GPC5: variants seen among roughly 807,000 people sequenced by gnomAD.
GPC5 encodes the protein glypican 5.
In GPC5, 47 loss-of-function variants were observed where a neutral mutation model predicts 53.9. That is an observed-to-expected ratio of 0.87 (90% CI 0.69 to 1.11). The LOEUF (loss-of-function observed/expected upper bound fraction) is 1.11. GPC5 is among the 50% of genes most tolerant of loss of function. GPC5 has a pLI of 0.00. For synonymous variants in GPC5, 286 were observed against 263.3 expected, an observed-to-expected ratio of 1.09 and a Z score of -0.84; for missense variants, 748 against 713.1, an observed-to-expected ratio of 1.05 and a Z score of -0.56.
chr13:92,756,574 A>G (rs1166002674), intron 7 of GPC5, among the ~76,000 whole-genome samples: 7 of 151,436 alleles, frequency 4.6e-5, no homozygotes, highest in Non-Finnish European at 2.9e-5. Flanking sequence ...TTGTATATCT[A>G]GAAAACCCCA....
intron 5 of GPC5, among the ~76,000 whole-genome samples, chr13:91,801,220 T>C (rs1175240114): frequency 6.6e-6 from 1 of 151,584 alleles, no homozygotes; most frequent in Admixed American, 6.6e-5. Context: ...AACCAGATGT[T>C]GAGCAGAACT....
At chr13:92,014,546 T>A (rs942182339) in intron 6 of GPC5, among the ~76,000 whole-genome samples, 1 of 152,158 alleles carries the variant, frequency 6.6e-6, no homozygotes, top group African/African-American at 2.4e-5. Context: ...TCTAATGGAA[T>A]CTATTGCTTG....
At position 92,144,931 on chromosome 13, in the gene GPC5, A is replaced by C; in HGVS notation, c.1503A>C (p.Glu501Asp). ...AAGTCAGTGGGGACTGTGATGATGA[A>C]GATGGTTGCGGGGGATCAGGAAGTG... Reference protein sequence around the residue: ...VEQVSGDCDDEDGCGGSGSGE... With the variant: ...VEQVSGDCDDDDGCGGSGSGE... The change falls in exon 7 of 8, where the codon GAA becomes GAC. Residue 501 changes from glutamate (E) to aspartate (D), a missense_variant. Physicochemically the swap from Glu to Asp is conservative, Grantham distance 45. Coordinates refer to ENST00000377067, the MANE Select transcript of GPC5 (RefSeq NM_004466.6). 6.3e-7 allele frequency: 1 copy of C among 1,594,810 alleles called. No homozygotes were observed. Among genetic ancestry groups the C allele is most frequent in the Non-Finnish European group, 8.5e-7 (1 of 1,172,840 alleles).
intron 7 of GPC5, among the ~76,000 whole-genome samples, chr13:92,166,985 CACACACACACATAT>C (rs1309740862): frequency 1.9e-3 from 257 of 137,736 alleles, no homozygotes; most frequent in Middle Eastern, 0.018. Context: ...CACACACACA[CACACACACACATAT>C]ACACACGCCC....
chr13:92,021,343 A>G (rs2040756698), intron 6 of GPC5, among the ~76,000 whole-genome samples: 1 of 152,204 alleles, frequency 6.6e-6, no homozygotes, highest in African/African-American at 2.4e-5. Context: ...ATGAGCCTAG[A>G]GGACATTATG....
intron 7 of GPC5, among the ~76,000 whole-genome samples, chr13:92,431,069 C>T (rs1356494370): frequency 6.6e-6 from 1 of 152,078 alleles, no homozygotes; most frequent in African/African-American, 2.4e-5. Flanking sequence ...CTTTCCCAAA[C>T]CAATTACTCT....
chr13:91,466,440 T>A (rs1260375517), intron 2 of GPC5, among the ~76,000 whole-genome samples: 1 of 152,146 alleles, frequency 6.6e-6, no homozygotes. Context: ...ACGTTTTTAT[T>A]TTTGTTTCAA....
intron 3 of GPC5, among the ~76,000 whole-genome samples, chr13:91,705,316 C>T (rs1242673199): frequency 1.3e-5 from 2 of 152,206 alleles, no homozygotes; most frequent in African/African-American, 2.4e-5. Context: ...TAGTACCTCC[C>T]ACTTTCAAAA....
intron 7 of GPC5, among the ~76,000 whole-genome samples, chr13:92,633,757 TA>T (rs1885330925): frequency 6.6e-6 from 1 of 152,182 alleles, no homozygotes; most frequent in African/African-American, 2.4e-5. Context: ...ATCAGTACTT[TA>T]AAAAATTACT....
chr13:92,578,467 A>G (rs761052071), intron 7 of GPC5, among the ~76,000 whole-genome samples: 5 of 152,160 alleles, frequency 3.3e-5, no homozygotes, highest in African/African-American at 7.2e-5. Context: ...TGGCTCACCT[A>G]ATTATGGAGA....
intron 7 of GPC5, among the ~76,000 whole-genome samples, chr13:92,818,455 A>G (rs527395337): frequency 1.3e-5 from 2 of 152,136 alleles, no homozygotes; most frequent in South Asian, 4.1e-4. Flanking sequence ...TTTCTTATAG[A>G]TATGTCCTTC....
intron 7 of GPC5, among the ~76,000 whole-genome samples, chr13:92,572,865 C>T (rs963118195): frequency 6.6e-6 from 1 of 151,928 alleles, no homozygotes; most frequent in Non-Finnish European, 1.5e-5. Context: ...TGTAGCTCTT[C>T]CCAAAACAAA....
At chr13:92,582,657 A>G (rs981433470) in intron 7 of GPC5, among the ~76,000 whole-genome samples, 32 of 152,256 alleles carry the variant, frequency 2.1e-4, no homozygotes, top group African/African-American at 7.7e-4. Flanking sequence ...ATTTATTAAT[A>G]TCTTCTACAA....
intron 7 of GPC5, among the ~76,000 whole-genome samples, chr13:92,312,277 G>A (rs2043150057): frequency 6.6e-6 from 1 of 152,030 alleles, no homozygotes; most frequent in African/African-American, 2.4e-5. Context: ...AAAGATTCAA[G>A]ATGTGTGTGC....
At chr13:91,423,918 T>G (rs1473293901) in intron 1 of GPC5, among the ~76,000 whole-genome samples, 1 of 152,222 alleles carries the variant, frequency 6.6e-6, no homozygotes, top group Non-Finnish European at 1.5e-5. Context: ...AATTTATTTT[T>G]TAAACTTAAA....
intron 6 of GPC5, among the ~76,000 whole-genome samples, chr13:92,068,384 C>T (rs1345123164): frequency 6.6e-6 from 1 of 151,528 alleles, no homozygotes; most frequent in Non-Finnish European, 1.5e-5. Flanking sequence ...AACCGGTGAT[C>T]CTGATAGCTA....
intron 5 of GPC5, among the ~76,000 whole-genome samples, chr13:91,892,157 CAT>C (rs2039393584): frequency 6.6e-6 from 1 of 151,878 alleles, no homozygotes; most frequent in East Asian, 1.9e-4. Context: ...TGACTGGTGA[CAT>C]ATTACATTCT....
At chr13:92,104,816 G>T (rs980015239) in intron 6 of GPC5, among the ~76,000 whole-genome samples, 1 of 152,024 alleles carries the variant, frequency 6.6e-6, no homozygotes, top group African/African-American at 2.4e-5. Flanking sequence ...TAATCCAAAC[G>T]GTTTGGTAAA....
chr13:91,923,202 A>G (rs1196261539), intron 6 of GPC5, among the ~76,000 whole-genome samples: 1 of 152,142 alleles, frequency 6.6e-6, no homozygotes, highest in African/African-American at 2.4e-5. Flanking sequence ...TGGCTCATGC[A>G]TATTCTCACC....
Sources: gnomAD v4.1 joint callset for allele counts (sites outside exome capture counted in the v4.1 genomes callset) on GRCh38, gnomAD v4.1.1 for gene constraint, MANE v1.5 for transcripts, NCBI Gene and HGNC (gene_info 2026-07-23, HGNC 2026-07-21) for gene names.